Variants in TLK2 observed in about 807,000 individuals in gnomAD.
TLK2 encodes the protein tousled like kinase 2, also known as serine/threonine-protein kinase tousled-like 2.
A neutral mutation model predicts 117.3 loss-of-function variants in TLK2; 6 were observed. The observed-to-expected ratio is 0.05, with a 90% confidence interval of 0.03 to 0.10. The LOEUF is 0.10. Ranked by LOEUF, TLK2 falls within the 10% of genes least tolerant of loss-of-function variation. The pLI, the probability that TLK2 is intolerant of heterozygous loss-of-function variation, is 1.00. For synonymous variants in TLK2, 257 were observed against 316.7 expected (o/e 0.81, Z 2.00); for missense variants, 299 against 901.2 (o/e 0.33, Z 8.56).
intron 19 of TLK2, among the ~76,000 whole-genome samples, 193 bp from the exon 20 acceptor site, chr17:62,605,937 G>C (rs1374407526): frequency 6.7e-6 from 1 of 148,596 alleles, no homozygotes; most frequent in Non-Finnish European, 1.5e-5. Flanking sequence ...AGCTCGGGAG[G>C]TTGAGGCCGT....
At chr17:62,526,006 T>G (rs926326880) in intron 6 of TLK2, among the ~76,000 whole-genome samples, 6 of 152,246 alleles carry the variant, frequency 3.9e-5, no homozygotes, top group African/African-American at 1.4e-4. Context: ...TTTTTAATGG[T>G]GTGACCACCC....
intron 7 of TLK2, among the ~76,000 whole-genome samples, chr17:62,537,753 GT>G (rs1418043764): frequency 6.6e-6 from 1 of 152,166 alleles, no homozygotes; most frequent in East Asian, 1.9e-4. Flanking sequence ...TTATTTCAGT[GT>G]TTAATGTTAG....
chr17:62,593,526 A>AT (rs923009518), intron 16 of TLK2, among the ~76,000 whole-genome samples: 7 of 151,390 alleles, frequency 4.6e-5, no homozygotes, highest in East Asian at 1.9e-4. Flanking sequence ...TTCTATTACA[A>AT]TTTTTTTTTA....
intron 11 of TLK2, among the ~76,000 whole-genome samples, chr17:62,572,690 G>C (rs898208408): frequency 2.6e-5 from 4 of 152,190 alleles, no homozygotes; most frequent in Non-Finnish European, 4.4e-5. Context: ...TTGACGTGTA[G>C]AGTAGTAATG....
intron 9 of TLK2, among the ~76,000 whole-genome samples, chr17:62,559,690 T>A (rs545031027): frequency 6.0e-4 from 91 of 152,272 alleles, no homozygotes; most frequent in Non-Finnish European, 1.1e-3. Context: ...AACATTTTTT[T>A]AATTATTATT....
At chr17:62,514,547 A>G (rs1174644766) in intron 2 of TLK2, among the ~76,000 whole-genome samples, 2 of 151,782 alleles carry the variant, frequency 1.3e-5, no homozygotes, top group Non-Finnish European at 2.9e-5. Context: ...GTGGTAAAAT[A>G]CACATAACAT....
intron 16 of TLK2, among the ~76,000 whole-genome samples, chr17:62,589,244 T>G (rs1421326584): frequency 6.6e-6 from 1 of 152,168 alleles, no homozygotes; most frequent in Non-Finnish European, 1.5e-5. Flanking sequence ...AAATAACATA[T>G]TAAAAATTCT....
chr17:62,551,990 A>C (rs552937704), intron 7 of TLK2: 3 of 358,440 alleles, frequency 8.4e-6, no homozygotes, highest in African/African-American at 2.1e-5. Flanking sequence ...TGAAAATACA[A>C]GTGAAAAAGG....
Position 62,539,531 on chromosome 17 carries a change from G to A in TLK2, c.531+3194G>A, listed in dbSNP as rs183854255. On this transcript the variant is annotated intron_variant, in intron 7 of 21. Coordinates refer to ENST00000346027, the MANE Select transcript of TLK2 (RefSeq NM_006852.6). ...GTCTCACTCTGTTGCCCAGGCTGGA[G>A]TGCAGTGGTGCAATCTCAGCTCACT... is the stretch of plus-strand genomic sequence containing the variant. Among the ~76,000 whole-genome samples, 733 of 146,978 alleles carry A rather than the reference G, an allele frequency of 5.0e-3. 5 individuals are homozygous for A. The highest frequency in any genetic ancestry group is 0.018 in the African/African-American group (697 of 39,418).
chr17:62,605,946 G>A (rs1421975570), intron 19 of TLK2, 184 bp from the exon 20 acceptor site: 3 of 271,768 alleles, frequency 1.1e-5, no homozygotes, highest in African/African-American at 2.4e-5. Flanking sequence ...GGTTGAGGCC[G>A]TAATGAGCCA....
At chr17:62,501,781 G>A (rs766268090) in intron 2 of TLK2, among the ~76,000 whole-genome samples, 25 of 151,924 alleles carry the variant, frequency 1.6e-4, no homozygotes, top group Non-Finnish European at 2.6e-4. Flanking sequence ...GCAATATAGC[G>A]AGACTCATCT....
chr17:62,494,298 GTCTTGAAC>G (rs1485960509), intron 2 of TLK2, among the ~76,000 whole-genome samples: 1 of 152,146 alleles, frequency 6.6e-6, no homozygotes, highest in Non-Finnish European at 1.5e-5. Context: ...GGCCAGACTG[GTCTTGAAC>G]TCTTGACCTC....
chr17:62,513,677 G>T (rs938081740), intron 2 of TLK2, among the ~76,000 whole-genome samples: 3 of 151,888 alleles, frequency 2.0e-5, no homozygotes, highest in African/African-American at 7.3e-5. Flanking sequence ...ATTTATGTGG[G>T]TCTGTTTTTT....
At chr17:62,570,213 G>A (rs1313248524) in intron 11 of TLK2, among the ~76,000 whole-genome samples, 2 of 152,088 alleles carry the variant, frequency 1.3e-5, no homozygotes, top group African/African-American at 4.8e-5. Context: ...ATCTTTTGGG[G>A]GACACAACCC....
chr17:62,496,723 A>G (rs1375346201), intron 2 of TLK2, among the ~76,000 whole-genome samples: 3 of 152,166 alleles, frequency 2.0e-5, no homozygotes, highest in Non-Finnish European at 4.4e-5. Flanking sequence ...TGGGAGGCCA[A>G]GGCAGGTGGA....
intron 21 of TLK2, among the ~76,000 whole-genome samples, chr17:62,610,492 AG>A (rs1339355481): frequency 6.6e-6 from 1 of 152,254 alleles, no homozygotes; most frequent in Non-Finnish European, 1.5e-5. Context: ...CATGTTATGA[AG>A]AAATAAATCA....
intron 16 of TLK2, among the ~76,000 whole-genome samples, chr17:62,589,485 G>A (rs2081910512): frequency 6.6e-6 from 1 of 152,208 alleles, no homozygotes; most frequent in Non-Finnish European, 1.5e-5. Context: ...TGGATTATAA[G>A]TTGAAAGTTG....
intron 11 of TLK2, among the ~76,000 whole-genome samples, chr17:62,567,824 G>A (rs2079920943): frequency 6.6e-6 from 1 of 151,924 alleles, no homozygotes; most frequent in Non-Finnish European, 1.5e-5. Context: ...TGTTGTTGTT[G>A]TTATTTTTGT....
intron 7 of TLK2, among the ~76,000 whole-genome samples, chr17:62,549,419 A>AAAAAAAAAAAAAAAAAAAAAAAAAAT: frequency 1.3e-4 from 1 of 7,746 alleles, no homozygotes; most frequent in Non-Finnish European, 4.8e-4. Flanking sequence ...AAAAAAAAAA[A>AAAAAAAAAAAAAAAAAAAAAAAAAAT]AAAAAAAAAA....
Sources: allele counts gnomAD v4.1 joint callset (sites outside exome capture counted in the v4.1 genomes callset), GRCh38; gene constraint gnomAD v4.1.1; transcripts MANE v1.5; gene names NCBI Gene and HGNC (gene_info 2026-07-23, HGNC 2026-07-21).